Variants in ACAD10 observed in about 807,000 individuals in gnomAD.
ACAD10 encodes the protein ACAD-10.
A neutral mutation model predicts 116.8 loss-of-function variants in ACAD10; 112 were observed. The ratio of observed to expected loss-of-function variants is 0.96; its 90% CI spans 0.82 to 1.12. The LOEUF is 1.12. ACAD10 is among the 50% of genes most tolerant of loss of function. The probability of loss-of-function intolerance (pLI) is 0.00; values close to 1 mark genes in which losing one functional copy is unlikely to be tolerated. For missense variants in ACAD10, 1,259 were observed against 1,350.2 expected (o/e 0.93, Z 1.06); for synonymous variants, 486 against 510.6 (o/e 0.95, Z 0.65).
intron 16 of ACAD10, 148 bp downstream of exon 16, chr12:111,747,533 G>A (rs992148947): frequency 2.0e-6 from 3 of 1,484,830 alleles, no homozygotes; most frequent in Non-Finnish European, 2.7e-6. Context: ...AGGCAGCTGG[G>A]AGAATAGGAG....
chr12:111,729,731 T>C lies in ACAD10; in HGVS notation c.1244-75T>C. On this transcript the variant is annotated intron_variant, in intron 9 of 20. Transcript: ENST00000313698. ...TGCAGAGCATGACAAAGGGTTTCAC[T>C]GCACTGGTTTTTTTTTCCGCTACTT... 3 of 1,556,674 alleles carry C rather than the reference T, an allele frequency of 1.9e-6. No homozygotes were observed. The South Asian group carries it at 3.6e-5, about 19-fold the overall frequency.
At chr12:111,751,121 G>C (rs1276797884) in intron 18 of ACAD10, among the ~76,000 whole-genome samples, 1 of 152,122 alleles carries the variant, frequency 6.6e-6, no homozygotes, top group Non-Finnish European at 1.5e-5. Flanking sequence ...GAGTAATTAG[G>C]AATCTACAAA....
At chr12:111,705,610 C>G in intron 3 of ACAD10, 128 bp from the exon 4 acceptor site, 1 of 814,588 alleles carries the variant, frequency 1.2e-6, no homozygotes, top group Non-Finnish European at 1.9e-6. Context: ...AGGCAGCAAG[C>G]TATGAGCCTG....
intron 18 of ACAD10, among the ~76,000 whole-genome samples, chr12:111,751,851 G>A (rs1890080342): frequency 6.6e-6 from 1 of 151,932 alleles, no homozygotes; most frequent in Non-Finnish European, 1.5e-5. Flanking sequence ...CTGAGGTCGG[G>A]AGTTCGAGTC....
chr12:111,739,774 G>A (rs895918079), intron 12 of ACAD10, among the ~76,000 whole-genome samples: 1 of 151,878 alleles, frequency 6.6e-6, no homozygotes, highest in Non-Finnish European at 1.5e-5. Context: ...AAAAGGTGGG[G>A]GGAGCGGGGA....
intron 6 of ACAD10, among the ~76,000 whole-genome samples, chr12:111,713,499 A>C (rs1001292659): frequency 2.0e-5 from 3 of 151,484 alleles, no homozygotes; most frequent in African/African-American, 4.9e-5. Flanking sequence ...GTGGTGCACA[A>C]CTATAGTCCC....
intron 6 of ACAD10, among the ~76,000 whole-genome samples, chr12:111,714,693 C>G (rs1039144078): frequency 3.3e-5 from 5 of 149,528 alleles, no homozygotes; most frequent in Non-Finnish European, 6.0e-5. Context: ...AGAAGACTTA[C>G]AAAATTTTTT....
At chr12:111,731,158 C>T (rs543650182) in intron 10 of ACAD10, among the ~76,000 whole-genome samples, 1 of 152,216 alleles carries the variant, frequency 6.6e-6, no homozygotes, top group Admixed American at 6.5e-5. Context: ...GTGTCCCTCG[C>T]TCCCGGCTTC....
chr12:111,744,569 AGT>A, intron 12 of ACAD10, 72 bp from the exon 13 acceptor site: 1 of 1,525,918 alleles, frequency 6.6e-7, no homozygotes. Context: ...CTGAAGTGAC[AGT>A]GTCATCACAT....
At chr12:111,730,331 T>C (rs1889350831) in intron 10 of ACAD10, among the ~76,000 whole-genome samples, 1 of 152,112 alleles carries the variant, frequency 6.6e-6, no homozygotes, top group African/African-American at 2.4e-5. Flanking sequence ...GCAGAGTCTA[T>C]GGCCATACCA....
In ACAD10 at chr12:111,712,469, A is replaced by G. The variant is rs528394380; in HGVS notation, c.691-29A>G. 9.5e-6 allele frequency: 15 copies of G among 1,584,804 alleles called. No homozygotes were observed. In the East Asian group the frequency reaches 2.9e-4, roughly 31 times the overall value. ...GGGAAAAATAACAACAACAAAAAAT[A>G]TACATCTACATATTCTCTCTGAAAC... On this transcript the variant is annotated intron_variant, in intron 5 of 20. Transcript: ENST00000313698.
intron 2 of ACAD10, among the ~76,000 whole-genome samples, chr12:111,701,939 G>A (rs1888359915): frequency 6.6e-6 from 1 of 152,198 alleles, no homozygotes; most frequent in African/African-American, 2.4e-5. Flanking sequence ...CTGAGGATCT[G>A]ATGCTTCACA....
At position 111,749,274 on chromosome 12, in the gene ACAD10, C is replaced by T. The variant is rs752637658; in HGVS notation, c.2746C>T (p.Pro916Ser). 3 of 1,614,078 alleles carry T rather than the reference C, an allele frequency of 1.9e-6. No homozygotes were observed. The highest frequency in any genetic ancestry group is 4.5e-5 in the East Asian group (2 of 44,884). The change falls in exon 18 of 21, where the codon CCC becomes TCC. Residue 916 changes from proline to serine, a missense_variant. Transcript: ENST00000313698. The stretch of plus-strand genomic sequence containing the variant: ...TGAGATCGCCCAGGGCAGACTGGGC[C>T]CCGGCAGGATCCATCACTGCATGAG... The part of the protein sequence containing the change: ...GFEIAQGRLG[P>S]GRIHHCMRLI...
chr12:111,738,458 A>AT, intron 12 of ACAD10, among the ~76,000 whole-genome samples: 1 of 151,908 alleles, frequency 6.6e-6, no homozygotes, highest in East Asian at 1.9e-4. Context: ...AAAAAAAAAA[A>AT]AAAAAAAGAC....
chr12:111,723,474 C>G (rs1372937778), intron 8 of ACAD10, among the ~76,000 whole-genome samples: 4 of 141,992 alleles, frequency 2.8e-5, no homozygotes, highest in Admixed American at 2.7e-4. Context: ...GGGGCTGACC[C>G]CCCCGCCTCC....
chr12:111,707,042 T>C (rs1019326442), intron 4 of ACAD10, among the ~76,000 whole-genome samples: 1 of 151,664 alleles, frequency 6.6e-6, no homozygotes, highest in African/African-American at 2.4e-5. Flanking sequence ...CCTCCCAAAG[T>C]GCTGGGATTA....
At chr12:111,717,050 C>T (rs1297131362) in intron 7 of ACAD10, among the ~76,000 whole-genome samples, 2 of 152,114 alleles carry the variant, frequency 1.3e-5, no homozygotes, top group African/African-American at 2.4e-5. Context: ...GCAGAGCATC[C>T]TCACAACTCT....
Position 111,722,402 on chromosome 12 carries a change from T to TA in ACAD10, c.1061+663_1061+664insA, listed in dbSNP as rs1251808809. 1.9e-4 allele frequency among the ~76,000 whole-genome samples: 28 copies of TA among 150,708 alleles called. 1 individual carries two copies. In the South Asian group the frequency reaches 3.1e-3, roughly 17 times the overall value. ...TTATTTATTTATTTATTTATTTATT[T>TA]TTTATTGATAATTCTTGGGTGTTTC... On this transcript the variant is annotated intron_variant, in intron 8 of 20. Transcript: ENST00000313698.
chr12:111,745,625 G>A (rs115117481), intron 13 of ACAD10: 2,360 of 154,832 alleles, frequency 0.015, 70 homozygotes, highest in African/African-American at 0.054. Context: ...TGCAACTTCC[G>A]CCTCCCAGGT....
Sources: gnomAD v4.1 joint callset for allele counts (sites outside exome capture counted in the v4.1 genomes callset) on GRCh38, gnomAD v4.1.1 for gene constraint, MANE v1.5 for transcripts, NCBI Gene and HGNC (gene_info 2026-07-23, HGNC 2026-07-21) for gene names.